The following BABAM2 variants were observed in gnomAD, a reference collection of about 807,000 sequenced individuals.
The protein encoded by BABAM2 is BRISC and BRCA1-A complex member 2.
BABAM2 carries 31 observed loss-of-function variants against 54.7 expected under a neutral mutation model. That is an observed-to-expected ratio of 0.57 (90% confidence interval 0.43 to 0.77). The LOEUF is 0.77. Among genes scored for constraint, BABAM2 ranks in the 30% least tolerant of loss-of-function variants. The pLI, the probability that BABAM2 is intolerant of heterozygous loss-of-function variation, is 0.00. For missense variants in BABAM2, 364 were observed against 455.8 expected (o/e 0.80, Z 1.83); for synonymous variants, 167 against 162.9 (o/e 1.03, Z -0.19).
At chr2:28,092,277 G>T (rs13405377) in intron 6 of BABAM2, among the ~76,000 whole-genome samples, 78,749 of 151,776 alleles carry the variant, frequency 0.52, 22,004 homozygotes, top group Middle Eastern at 0.66. Flanking sequence ...AAGTACAACT[G>T]CCTTTGTTTA....
At position 28,290,316 on chromosome 2, in the gene BABAM2, C is replaced by G. The variant is rs531807661; in HGVS notation, c.935-8022C>G. ...CCTTCTCCTGCGATCTTTTTACACA[C>G]ATGTGGTAGTTTCTTAAGAGTGGAA... is the stretch of plus-strand genomic sequence containing the variant. On this transcript the variant is annotated intron_variant, in intron 10 of 11. Coordinates refer to ENST00000379624, the MANE Select transcript of BABAM2 (RefSeq NM_199191.3). Among the ~76,000 whole-genome samples, 6 of 152,316 alleles carry G rather than the reference C, an allele frequency of 3.9e-5. No homozygotes were observed. The South Asian group carries it at 1.2e-3, about 32-fold the overall frequency.
intron 6 of BABAM2, among the ~76,000 whole-genome samples, chr2:28,101,489 G>A (rs1667077552): frequency 6.6e-6 from 1 of 152,126 alleles, no homozygotes; most frequent in African/African-American, 2.4e-5. Context: ...CCTCTGCCTA[G>A]TTCTCTGCAC....
chr2:28,293,549 C>T (rs1286619855), intron 10 of BABAM2, among the ~76,000 whole-genome samples: 1 of 152,206 alleles, frequency 6.6e-6, no homozygotes, highest in Non-Finnish European at 1.5e-5. Context: ...ACCCGCGGAA[C>T]CCATCACTGC....
chr2:27,963,327 G>T (rs1271953875), intron 3 of BABAM2, among the ~76,000 whole-genome samples: 2 of 151,946 alleles, frequency 1.3e-5, no homozygotes, highest in African/African-American at 4.8e-5. Context: ...GAAATTACCT[G>T]GGCTTGTTGG....
chr2:28,164,752 G>A (rs1469310370), intron 7 of BABAM2, among the ~76,000 whole-genome samples: 2 of 151,964 alleles, frequency 1.3e-5, no homozygotes, highest in Non-Finnish European at 1.5e-5. Context: ...GTATCTTGGC[G>A]CTTCTTCCCT....
At chr2:28,135,853 T>C (rs548208817) in intron 7 of BABAM2, among the ~76,000 whole-genome samples, 1 of 152,196 alleles carries the variant, frequency 6.6e-6, no homozygotes, top group East Asian at 1.9e-4. Context: ...CCAGTTGCCA[T>C]GGGTCCTGAG....
intron 7 of BABAM2, among the ~76,000 whole-genome samples, chr2:28,172,934 A>G (rs1445230161): frequency 6.6e-6 from 1 of 152,198 alleles, no homozygotes; most frequent in Non-Finnish European, 1.5e-5. Context: ...TCACTGTGCC[A>G]GCCTGGTTGG....
At chr2:28,086,710 A>G (rs10173426) in intron 6 of BABAM2, among the ~76,000 whole-genome samples, 79,178 of 152,118 alleles carry the variant, frequency 0.52, 22,215 homozygotes, top group Middle Eastern at 0.67. Flanking sequence ...AACTTATTTA[A>G]GATGCACTTT....
intron 1 of BABAM2, among the ~76,000 whole-genome samples, chr2:27,891,731 C>T (rs1000150176): frequency 1.1e-4 from 14 of 126,558 alleles, no homozygotes; most frequent in East Asian, 2.6e-4. Flanking sequence ...AGTCACACCT[C>T]CTCATGGTTG....
intron 7 of BABAM2, chr2:28,233,055 C>T: frequency 3.1e-6 from 1 of 326,554 alleles, no homozygotes; most frequent in Non-Finnish European, 6.4e-6. Flanking sequence ...TAAGAATGAT[C>T]AACTAATTTC....
In BABAM2 at chr2:28,178,197, A is replaced by G. The variant is rs1254186180; in HGVS notation, c.680+48817A>G. Among the ~76,000 whole-genome samples the G allele has an allele frequency of 3.9e-5, 6 of 152,278 alleles. No homozygotes were observed. In the East Asian group the frequency reaches 9.6e-4, roughly 24 times the overall value. The stretch of plus-strand genomic sequence containing the variant: ...TACCCGACAGCTGCAGAAAATACAC[A>G]CATTCTTCTCAACAGCACATGGAAC... On this transcript the variant is annotated intron_variant, in intron 7 of 11. Coordinates refer to ENST00000379624, the MANE Select transcript of BABAM2 (RefSeq NM_199191.3).
At chr2:28,199,854 A>G (rs1573823056) in intron 7 of BABAM2, among the ~76,000 whole-genome samples, 1 of 152,164 alleles carries the variant, frequency 6.6e-6, no homozygotes, top group South Asian at 2.1e-4. Flanking sequence ...CCTAAGACCT[A>G]AACAAGTGAT....
At chr2:28,169,034 C>T (rs1168610753) in intron 7 of BABAM2, among the ~76,000 whole-genome samples, 1 of 152,094 alleles carries the variant, frequency 6.6e-6, no homozygotes, top group Non-Finnish European at 1.5e-5. Flanking sequence ...ATGTGTTATC[C>T]CACTACTCAT....
In BABAM2 at chr2:28,203,841, A is replaced by G. The variant is rs77667092; in HGVS notation, c.681-33361A>G. On this transcript the variant is annotated intron_variant, in intron 7 of 11. Coordinates refer to ENST00000379624, the MANE Select transcript of BABAM2 (RefSeq NM_199191.3). ...TGGTAATAAGCAGCGCAGTTGTCTTAGCTTGCCAGGGTGAACATCCTTAGA... is the reference window on the plus strand; with the variant it reads ...TGGTAATAAGCAGCGCAGTTGTCTTGGCTTGCCAGGGTGAACATCCTTAGA... Among the ~76,000 whole-genome samples the G allele has an allele frequency of 6.0e-3, 912 of 152,288 alleles. 7 individuals carry two copies. Among genetic ancestry groups the G allele is most frequent in the Non-Finnish European group, 0.011 (754 of 68,030 alleles).
At chr2:28,293,194 T>C (rs1277758730) in intron 10 of BABAM2, among the ~76,000 whole-genome samples, 1 of 152,220 alleles carries the variant, frequency 6.6e-6, no homozygotes, top group Non-Finnish European at 1.5e-5. Context: ...TGTTGAACTA[T>C]GCCTGAAATG....
At chr2:28,233,139 C>A (rs1222990613) in intron 7 of BABAM2, 1 of 465,656 alleles carries the variant, frequency 2.1e-6, no homozygotes, top group Admixed American at 2.4e-5. Context: ...TTTTCTCCTC[C>A]CAGGTTAAGC....
intron 3 of BABAM2, among the ~76,000 whole-genome samples, chr2:27,965,256 A>T (rs1393104525): frequency 6.6e-6 from 1 of 152,170 alleles, no homozygotes; most frequent in Non-Finnish European, 1.5e-5. Flanking sequence ...TTCAACGTAA[A>T]TTATATTGGT....
chr2:27,964,788 ATCCAAT>A (rs1310680584), intron 3 of BABAM2, among the ~76,000 whole-genome samples: 1 of 152,180 alleles, frequency 6.6e-6, no homozygotes, highest in East Asian at 1.9e-4. Flanking sequence ...TTCTTAGCAG[ATCCAAT>A]TCTCTGTTCT....
chr2:28,324,994 G>C (rs1690327605), intron 11 of BABAM2, among the ~76,000 whole-genome samples: 1 of 151,978 alleles, frequency 6.6e-6, no homozygotes, highest in Admixed American at 6.6e-5. Flanking sequence ...ATGGCTTCCA[G>C]ACTTTTTTTT....
Sources: gnomAD v4.1 joint callset for allele counts (sites outside exome capture counted in the v4.1 genomes callset) on GRCh38, gnomAD v4.1.1 for gene constraint, MANE v1.5 for transcripts, NCBI Gene and HGNC (gene_info 2026-07-23, HGNC 2026-07-21) for gene names.